The following ZNF521 variants were observed in gnomAD, a reference collection of about 807,000 sequenced individuals.
ZNF521 encodes the protein LYST-interacting protein 3.
ZNF521 carries 14 observed loss-of-function variants against 105.5 expected under a neutral mutation model. The observed-to-expected ratio is 0.13, with a 90% CI of 0.09 to 0.21. ZNF521 has a LOEUF of 0.21. ZNF521 is among the 10% of genes least tolerant of loss of function. ZNF521 has a pLI of 1.00. For missense variants in ZNF521, 1,233 were observed against 1,629.7 expected (o/e 0.76, Z 4.19); for synonymous variants, 635 against 606.0 (o/e 1.05, Z -0.70).
chr18:25,141,127 C>A (rs1020426546), intron 5 of ZNF521, among the ~76,000 whole-genome samples: 1 of 152,198 alleles, frequency 6.6e-6, no homozygotes, highest in African/African-American at 2.4e-5. Context: ...CCTCCAGCAA[C>A]TCAATGGGTT....
intron 5 of ZNF521, among the ~76,000 whole-genome samples, chr18:25,165,524 G>C (rs2035324222): frequency 6.6e-6 from 1 of 152,202 alleles, no homozygotes; most frequent in African/African-American, 2.4e-5. Context: ...TCCTTCTCCA[G>C]AGACCTCAGA....
intron 5 of ZNF521, among the ~76,000 whole-genome samples, chr18:25,158,934 C>T (rs7230897): frequency 0.44 from 66,049 of 150,070 alleles, 14,652 homozygotes; most frequent in South Asian, 0.59. Context: ...CCAGCCTGTG[C>T]GACACAGTGC....
At chr18:25,198,195 T>G (rs575583288) in intron 4 of ZNF521, among the ~76,000 whole-genome samples, 1 of 151,962 alleles carries the variant, frequency 6.6e-6, no homozygotes, top group African/African-American at 2.4e-5. Flanking sequence ...TTGTTCTCTT[T>G]TGTTTTCTGA....
At chr18:25,071,954 C>T (rs1411900669) in intron 7 of ZNF521, among the ~76,000 whole-genome samples, 1 of 152,124 alleles carries the variant, frequency 6.6e-6, no homozygotes, top group Admixed American at 6.5e-5. Flanking sequence ...GGAAGAGCAG[C>T]AGCAAAGCTG....
chr18:25,168,634 T>C (rs1455134120), intron 5 of ZNF521, among the ~76,000 whole-genome samples: 2 of 152,198 alleles, frequency 1.3e-5, no homozygotes, highest in African/African-American at 2.4e-5. Context: ...ACAAAAGAGA[T>C]AGTCAGAACG....
chr18:25,317,415 C>T (rs150559805), intron 3 of ZNF521, among the ~76,000 whole-genome samples: 19 of 152,140 alleles, frequency 1.2e-4, no homozygotes, highest in Admixed American at 9.2e-4. Context: ...CTATAGGGCA[C>T]GCACTCAGTA....
At chr18:25,137,013 T>C (rs566641876) in intron 5 of ZNF521, among the ~76,000 whole-genome samples, 1 of 152,192 alleles carries the variant, frequency 6.6e-6, no homozygotes, top group South Asian at 2.1e-4. Flanking sequence ...TCCTCCTCTG[T>C]CTCCTTGTAA....
At chr18:25,343,871 A>G (rs1914342342) in intron 2 of ZNF521, among the ~76,000 whole-genome samples, 1 of 152,168 alleles carries the variant, frequency 6.6e-6, no homozygotes, top group African/African-American at 2.4e-5. Flanking sequence ...ACACAGTCAT[A>G]TTGGAATCTA....
intron 4 of ZNF521, among the ~76,000 whole-genome samples, chr18:25,221,417 A>G (rs1905719752): frequency 6.6e-6 from 1 of 152,136 alleles, no homozygotes; most frequent in Non-Finnish European, 1.5e-5. Context: ...TATTCTTTTT[A>G]GTCTTTGAAA....
chr18:25,124,222 C>G (rs145595211), intron 5 of ZNF521, among the ~76,000 whole-genome samples: 1 of 152,116 alleles, frequency 6.6e-6, no homozygotes, highest in Admixed American at 6.5e-5. Flanking sequence ...GTTCCCCTTT[C>G]TGTACCCATC....
At position 25,224,410 on chromosome 18, in the gene ZNF521, T is replaced by C. The variant is rs146987568; in HGVS notation, c.3508A>G (p.Ser1170Gly). Residue 1170 changes from serine (S) to glycine (G), a missense_variant, in exon 4 of 8, where the codon AGC becomes GGC. Ser to Gly is a moderately conservative substitution (Grantham distance 56). Coordinates refer to ENST00000361524, the MANE Select transcript of ZNF521 (RefSeq NM_015461.3). ...ACTTGGGGCGTTTTCAACTGTGTGC[T>C]GTTGCTGTCTGGCACGAGCTCTCGG... ...IHRELVPDSN[S>G]TQLKTPQVSP... is the part of the protein sequence containing the mutation. 1,792 of 1,614,062 alleles carry C rather than the reference T, an allele frequency of 1.1e-3. 2 individuals carry two copies. The highest frequency in any genetic ancestry group is 1.4e-3 in the Non-Finnish European group (1,631 of 1,179,998).
chr18:25,329,893 C>T (rs1350526660), intron 2 of ZNF521, among the ~76,000 whole-genome samples: 2 of 115,970 alleles, frequency 1.7e-5, no homozygotes, highest in Admixed American at 8.4e-5. Flanking sequence ...AAAGTGAAAA[C>T]TAAGTCAACG....
chr18:25,088,767 A>C (rs1249111036), intron 7 of ZNF521, among the ~76,000 whole-genome samples: 2 of 152,094 alleles, frequency 1.3e-5, no homozygotes, highest in Admixed American at 1.3e-4. Flanking sequence ...AATAAGAATA[A>C]CCAAATCTTC....
At chr18:25,196,455 T>C (rs561580859) in intron 4 of ZNF521, among the ~76,000 whole-genome samples, 3 of 151,430 alleles carry the variant, frequency 2.0e-5, no homozygotes, top group African/African-American at 7.2e-5. Flanking sequence ...AATTCAAGAT[T>C]TAAAATTATA....
At chr18:25,322,608 G>A (rs1359436931) in intron 2 of ZNF521, among the ~76,000 whole-genome samples, 2 of 150,118 alleles carry the variant, frequency 1.3e-5, no homozygotes, top group South Asian at 2.1e-4. Context: ...ACTCTTTCAC[G>A]GGAAATTACC....
intron 3 of ZNF521, among the ~76,000 whole-genome samples, chr18:25,319,355 A>G (rs1388856594): frequency 2.0e-5 from 3 of 152,232 alleles, no homozygotes; most frequent in Non-Finnish European, 4.4e-5. Context: ...ACACTTTGGG[A>G]GGCCGAGGCA....
rs750906638 is a variant in ZNF521, at chr18:25,226,495, T to C, written c.1423A>G (p.Ile475Val). 41 of 1,614,032 alleles carry C rather than the reference T, an allele frequency of 2.5e-5. No individual in the cohort carries two copies. Among genetic ancestry groups the C allele is most frequent in the Non-Finnish European group, 3.5e-5 (41 of 1,180,020 alleles). Residue 475 changes from isoleucine to valine, a missense_variant, in exon 4 of 8, where the codon ATT (isoleucine) becomes GTT (valine). Coordinates refer to ENST00000361524, the MANE Select transcript of ZNF521 (RefSeq NM_015461.3). The surrounding 1 kb of genome is among the most constrained non-coding windows in gnomAD (Gnocchi z 4.1). ...GAACAGAAGTTACACTGGTAGACAATGGCAGGCATGGCAGAAACAATCAGA... is the reference window on the plus strand; with the variant it reads ...GAACAGAAGTTACACTGGTAGACAACGGCAGGCATGGCAGAAACAATCAGA... ...PGLIVSAMPA[I>V]VYQCNFCSEV...
rs2033466588 is a variant in ZNF521, at chr18:25,080,360, A to G, written c.3906+9105T>C. 2.0e-5 allele frequency among the ~76,000 whole-genome samples: 3 copies of G among 152,044 alleles called. No homozygotes were observed. In the South Asian group the frequency reaches 6.2e-4, roughly 32 times the overall value. On this transcript the variant is annotated intron_variant, in intron 7 of 7. Transcript: ENST00000361524. ...CAAGCACAGCTTTTAAGCACTATTC[A>G]TCTCGCCGCCACATCTCAGGCTTTT... is the stretch of plus-strand genomic sequence containing the variant.
At chr18:25,322,579 C>T (rs376170389) in intron 2 of ZNF521, among the ~76,000 whole-genome samples, 2 of 142,422 alleles carry the variant, frequency 1.4e-5, no homozygotes, top group African/African-American at 2.5e-5. Flanking sequence ...TAAGAATGAA[C>T]TCTTTTTCTG....
Sources: allele counts gnomAD v4.1 joint callset (sites outside exome capture counted in the v4.1 genomes callset), GRCh38; gene constraint gnomAD v4.1.1; non-coding constraint Gnocchi (gnomAD v3.1); transcripts MANE v1.5; gene names NCBI Gene and HGNC (gene_info 2026-07-23, HGNC 2026-07-21).